ADAM7: variants seen among roughly 807,000 people sequenced by gnomAD.
ADAM7 encodes disintegrin and metalloproteinase domain-containing protein 7.
ADAM7 carries 97 observed loss-of-function variants against 102.9 expected under a neutral mutation model. The observed-to-expected ratio is 0.94, with a 90% CI of 0.80 to 1.12. The LOEUF is 1.12. Ranked by LOEUF, ADAM7 falls within the 50% of genes most tolerant of loss-of-function variation. The pLI is 0.00. For synonymous variants in ADAM7, 334 were observed against 304.4 expected, an observed-to-expected ratio of 1.10 and a Z score of -1.01; for missense variants, 991 against 908.7, an observed-to-expected ratio of 1.09 and a Z score of -1.16.
chr8:24,444,368 G>T (rs556394141), intron 2 of ADAM7, among the ~76,000 whole-genome samples: 1 of 152,000 alleles, frequency 6.6e-6, no homozygotes, highest in African/African-American at 2.4e-5. Flanking sequence ...TCTCCAGGGG[G>T]TGGAACCTAA....
intron 2 of ADAM7, among the ~76,000 whole-genome samples, chr8:24,445,730 G>A (rs923541811): frequency 6.6e-6 from 1 of 152,088 alleles, no homozygotes; most frequent in Non-Finnish European, 1.5e-5. Flanking sequence ...TTTGTTCATA[G>A]GATAAGGCCC....
intron 2 of ADAM7, among the ~76,000 whole-genome samples, chr8:24,446,460 A>T (rs986724239): frequency 1.3e-5 from 2 of 152,152 alleles, no homozygotes; most frequent in African/African-American, 2.4e-5. Context: ...TCTTCATGAT[A>T]GTTTGGCAAT....
chr8:24,452,122 T>TA (rs1238117301), intron 3 of ADAM7, among the ~76,000 whole-genome samples: 2 of 151,560 alleles, frequency 1.3e-5, no homozygotes, highest in South Asian at 2.1e-4. Flanking sequence ...AAAATGTATA[T>TA]TCTGTTGATT....
At chr8:24,500,971 T>A (rs1301478305) in intron 19 of ADAM7, 76 bp downstream of exon 19, 4 of 1,223,808 alleles carry the variant, frequency 3.3e-6, no homozygotes, top group Non-Finnish European at 4.7e-6. Flanking sequence ...TTATAGAGGA[T>A]ATTCAATGGG....
chr8:24,497,097 C>T (rs1439900424), intron 16 of ADAM7, among the ~76,000 whole-genome samples: 1 of 152,152 alleles, frequency 6.6e-6, no homozygotes, highest in African/African-American at 2.4e-5. Flanking sequence ...GAGTAAGTCT[C>T]ATGAGATCTG....
rs748229698 is a variant in ADAM7, at chr8:24,501,536, T to C, written c.2168T>C (p.Ile723Thr). 2.5e-6 allele frequency: 4 copies of C among 1,608,636 alleles called. No homozygotes were observed. Among genetic ancestry groups the C allele is most frequent in the Admixed American group, 1.7e-5 (1 of 58,414 alleles). Residue 723 changes from isoleucine to threonine, a missense_variant, in exon 20 of 22, where the codon ATA (isoleucine) becomes ACA (threonine). By Grantham distance (89) the Ile-to-Thr change is moderately conservative. Transcript: ENST00000175238. ...NKGYFGDEQQIRTEPILPEIH... is the reference protein window; with the variant it reads ...NKGYFGDEQQTRTEPILPEIH... Reference sequence around the variant, plus strand: ...GGATACTTTGGTGATGAGCAGCAGATAAGGACTGAGCCAATCCTGCCAGAA... The same window carrying C: ...GGATACTTTGGTGATGAGCAGCAGACAAGGACTGAGCCAATCCTGCCAGAA...
chr8:24,461,319 G>A (rs969452371), intron 3 of ADAM7, among the ~76,000 whole-genome samples: 10 of 102,380 alleles, frequency 9.8e-5, no homozygotes, highest in Middle Eastern at 4.7e-3. Context: ...AAGAAAAGAT[G>A]ATGACTGATG....
Position 24,493,137 on chromosome 8 carries a change from A to G in ADAM7, c.1750A>G (p.Asn584Asp). ...TTATCACCTTAAGGATCCCCAGAAG[A>G]ATGCTACTGTCAAATGCAAAACTAT... is the stretch of plus-strand genomic sequence containing the variant. ...KTYHLKDPQKNATVKCKTIFL... is the reference protein window; with the variant it reads ...KTYHLKDPQKDATVKCKTIFL... Residue 584 changes from asparagine (N) to aspartate (D), a missense_variant, in exon 16 of 22, where the codon AAT becomes GAT. Coordinates refer to ENST00000175238, the MANE Select transcript of ADAM7 (RefSeq NM_003817.4). 2 of 1,613,530 alleles carry G rather than the reference A, an allele frequency of 1.2e-6. No individual in the cohort carries two copies. Among genetic ancestry groups the G allele is most frequent in the Middle Eastern group, 1.7e-4 (1 of 6,058 alleles).
chr8:24,452,222 G>A (rs370202689), intron 3 of ADAM7, among the ~76,000 whole-genome samples: 18 of 150,778 alleles, frequency 1.2e-4, no homozygotes, highest in Admixed American at 4.6e-4. Flanking sequence ...TTTCTGTCTC[G>A]TTGATCTGTC....
At chr8:24,480,108 G>T (rs889643150) in intron 8 of ADAM7, among the ~76,000 whole-genome samples, 1 of 152,186 alleles carries the variant, frequency 6.6e-6, no homozygotes. Flanking sequence ...AGTCACTTCT[G>T]TTTTCTGCCT....
At chr8:24,485,169 T>C (rs1394010445) in intron 9 of ADAM7, 108 bp from the exon 10 acceptor site, 1 of 995,478 alleles carries the variant, frequency 1.0e-6, no homozygotes, top group African/African-American at 1.6e-5. Flanking sequence ...TAAGAAGGCA[T>C]TTTCACATGC....
chr8:24,499,305 A>C lies in ADAM7; in HGVS notation c.1912A>C (p.Asn638His), dbSNP rs13259668. ...YISTNCPSQC[N>H]ENPVDGHGLQ... ...CTCAACCAATTGCCCCTCTCAGTGC[A>C]ATGAAAATCCTGTAAGATATGACTG... is the stretch of plus-strand genomic sequence containing the variant. The change falls in exon 17 of 22, where the codon AAT (asparagine) becomes CAT (histidine). Residue 638 changes from asparagine (N) to histidine (H), a missense_variant. Physicochemically the swap from Asn to His is moderately conservative, Grantham distance 68. Coordinates refer to ENST00000175238, the MANE Select transcript of ADAM7 (RefSeq NM_003817.4). 0.33 allele frequency: 522,680 copies of C among 1,597,378 alleles called. 87,595 individuals carry two copies. Among genetic ancestry groups the C allele is most frequent in the Admixed American group, 0.43 (24,745 of 57,356 alleles).
intron 3 of ADAM7, among the ~76,000 whole-genome samples, chr8:24,449,618 T>C (rs1390980270): frequency 6.6e-6 from 1 of 152,212 alleles, no homozygotes; most frequent in Non-Finnish European, 1.5e-5. Flanking sequence ...ACTCTGATAG[T>C]AGTTTCTTTT....
chr8:24,454,868 G>A (rs961024252), intron 3 of ADAM7, among the ~76,000 whole-genome samples: 2 of 152,014 alleles, frequency 1.3e-5, no homozygotes, highest in East Asian at 1.9e-4. Context: ...GAGAAATAGC[G>A]ATGAATCTTT....
At chr8:24,445,416 C>T (rs1016212354) in intron 2 of ADAM7, among the ~76,000 whole-genome samples, 1 of 152,212 alleles carries the variant, frequency 6.6e-6, no homozygotes, top group African/African-American at 2.4e-5. Flanking sequence ...TGACCCTCTT[C>T]AGATCCTCCT....
rs751797225 is a variant in ADAM7 at position 24,482,161 on chromosome 8, T to A, written c.725T>A (p.Ile242Asn). 1.3e-6 allele frequency: 2 copies of A among 1,588,228 alleles called. No individual in the cohort carries two copies. The highest frequency in any genetic ancestry group is 1.7e-6 in the Non-Finnish European group (2 of 1,172,868). The change falls in exon 9 of 22, where the codon ATC becomes AAC. Residue 242 changes from isoleucine (I) to asparagine (N), a missense_variant. Coordinates refer to ENST00000175238, the MANE Select transcript of ADAM7 (RefSeq NM_003817.4). ...FVNMIYKTLN[I>N]HVTLVGIEIW... Reference sequence around the variant, plus strand: ...GAACAGATTTATAAAACCTTAAACATCCATGTGACGTTGGTTGGCATTGAA... The same window carrying A: ...GAACAGATTTATAAAACCTTAAACAACCATGTGACGTTGGTTGGCATTGAA...
At chr8:24,493,488 ATGG>A (rs34743629) in intron 16 of ADAM7, among the ~76,000 whole-genome samples, 65,834 of 151,740 alleles carry the variant, frequency 0.43, 15,670 homozygotes, top group African/African-American at 0.62. Context: ...CTAATTAGAC[ATGG>A]ATTATAGACA....
Position 24,442,540 on chromosome 8 carries a change from G to T in ADAM7, c.120G>T (p.Lys40Asn), listed in dbSNP as rs1426673298. ...VRPKKLPLIQ[K>N]RDTGHTHDDD... ...CTAAAAAGCTTCCTCTGATACAGAA[G>T]CGAGATACTGGACACACCCATGATG... Residue 40 changes from lysine (K) to asparagine (N), a missense_variant, in exon 2 of 22, where the codon AAG (lysine) becomes AAT (asparagine). Transcript: ENST00000175238. 7 of 1,614,088 alleles carry T rather than the reference G, an allele frequency of 4.3e-6. No homozygotes were observed. Among genetic ancestry groups the T allele is most frequent in the Non-Finnish European group, 5.9e-6 (7 of 1,179,974 alleles).
chr8:24,448,992 T>G (rs574473567), intron 3 of ADAM7, among the ~76,000 whole-genome samples: 4 of 152,354 alleles, frequency 2.6e-5, no homozygotes, highest in African/African-American at 9.6e-5. Context: ...TCATCCTTTT[T>G]TATGGCTGCA....
Sources: allele counts gnomAD v4.1 joint callset (sites outside exome capture counted in the v4.1 genomes callset), GRCh38; gene constraint gnomAD v4.1.1; transcripts MANE v1.5; gene names NCBI Gene and HGNC (gene_info 2026-07-23, HGNC 2026-07-21).